The following AUTS2 variants were observed in gnomAD, a reference collection of about 807,000 sequenced individuals.
The protein encoded by AUTS2 is activator of transcription and developmental regulator AUTS2, also known as autism susceptibility gene 2 protein.
In AUTS2, 17 loss-of-function variants were observed where a neutral mutation model predicts 112.4. The ratio of observed to expected loss-of-function variants is 0.15; its 90% CI spans 0.10 to 0.23. The LOEUF is 0.23. Among genes scored for constraint, AUTS2 ranks in the 10% least tolerant of loss-of-function variants. AUTS2 has a pLI of 1.00. For synonymous variants in AUTS2, 751 were observed against 702.7 expected (o/e 1.07, Z -1.09); for missense variants, 1,510 against 1,701.6 (o/e 0.89, Z 1.98).
intron 5 of AUTS2, among the ~76,000 whole-genome samples, chr7:70,476,597 A>C (rs963079769): frequency 2.0e-5 from 3 of 152,192 alleles, no homozygotes; most frequent in Non-Finnish European, 4.4e-5. Context: ...TAAGTCATGT[A>C]CTGAGTGTAC....
intron 1 of AUTS2, among the ~76,000 whole-genome samples, chr7:69,838,509 TG>T (rs1791825097): frequency 6.6e-6 from 1 of 152,140 alleles, no homozygotes; most frequent in African/African-American, 2.4e-5. Flanking sequence ...GTGATAGAGC[TG>T]GGGTTTGTAC....
intron 5 of AUTS2, among the ~76,000 whole-genome samples, chr7:70,663,039 A>G (rs968479176): frequency 2.0e-5 from 3 of 152,236 alleles, no homozygotes; most frequent in African/African-American, 7.2e-5. Context: ...AGTAAGTTCT[A>G]TGGAGGAATG....
At chr7:69,999,216 C>T (rs191079182) in intron 2 of AUTS2, among the ~76,000 whole-genome samples, 109 of 152,218 alleles carry the variant, frequency 7.2e-4, no homozygotes, top group Admixed American at 1.3e-3. Context: ...TTTTCAGGGT[C>T]CTATAATTTT....
chr7:70,211,929 C>T (rs1034639987), intron 4 of AUTS2, among the ~76,000 whole-genome samples: 17 of 151,134 alleles, frequency 1.1e-4, no homozygotes, highest in Non-Finnish European at 2.1e-4. Flanking sequence ...GAGCTTGCAG[C>T]GAGCTGAGAT....
At chr7:69,873,076 C>T (rs1197913755) in intron 1 of AUTS2, among the ~76,000 whole-genome samples, 3 of 151,840 alleles carry the variant, frequency 2.0e-5, no homozygotes, top group Non-Finnish European at 4.4e-5. Context: ...CTCCTGACCT[C>T]AGCTGATCCG....
rs1261153463 is a variant in AUTS2, at chr7:69,599,015, C to G, written c.-639C>G. On this transcript the variant is annotated 5_prime_UTR_variant, in exon 1 of 19. Transcript: ENST00000342771. The surrounding 1 kb of genome is among the most constrained non-coding windows in gnomAD (Gnocchi z 7.0). ...CTCTTGGGTCGCTCCGGAGCCCCGG[C>G]CTCCCCTGGCTGCATTTCTTAAAAA... The G allele has an allele frequency of 6.6e-6, 1 of 152,184 alleles. No individual in the cohort carries two copies. The highest frequency in any genetic ancestry group is 1.5e-5 in the Non-Finnish European group (1 of 68,112). The allele number at this position is 152,184 out of a possible 1,614,324, so 9.4% of individuals were successfully genotyped here.
rs796943903 is a variant in AUTS2 at position 69,779,791 on chromosome 7, AT to A, written c.310-119494del. Among the ~76,000 whole-genome samples the A allele has an allele frequency of 1.1e-3, 171 of 150,822 alleles. 1 individual carries two copies. Among genetic ancestry groups the A allele is most frequent in the African/African-American group, 3.4e-3 (138 of 41,180 alleles). On this transcript the variant is annotated intron_variant, in intron 1 of 18. Coordinates refer to ENST00000342771, the MANE Select transcript of AUTS2 (RefSeq NM_015570.4). ...AAAAAAAAAAAAAAATTAAAAAAAA[AT>A]ATATATATGGAAATACATTTTCTCA...
chr7:70,600,372 G>A (rs1398936940), intron 5 of AUTS2, among the ~76,000 whole-genome samples: 1 of 151,966 alleles, frequency 6.6e-6, no homozygotes, highest in Admixed American at 6.6e-5. Flanking sequence ...TATCTCCTGG[G>A]TCAAGGGATT....
chr7:70,698,933 C>T (rs1809292008), intron 6 of AUTS2: 1 of 228,472 alleles, frequency 4.4e-6, no homozygotes, highest in Non-Finnish European at 8.4e-6. Context: ...TTTATTGTTA[C>T]TTATCAACTA....
chr7:70,119,948 A>G (rs1458720919), intron 3 of AUTS2: 2 of 152,200 alleles, frequency 1.3e-5, no homozygotes, highest in Non-Finnish European at 2.9e-5. Context: ...TTTTCTTAAA[A>G]AAAGAAATTA....
chr7:69,862,670 T>G (rs893357520), intron 1 of AUTS2, among the ~76,000 whole-genome samples: 1 of 152,188 alleles, frequency 6.6e-6, no homozygotes, highest in Non-Finnish European at 1.5e-5. Flanking sequence ...CTTATTTTTC[T>G]TTTTAGAAGG....
intron 5 of AUTS2, among the ~76,000 whole-genome samples, chr7:70,614,353 G>A (rs538926076): frequency 3.5e-4 from 54 of 152,134 alleles, no homozygotes; most frequent in African/African-American, 1.2e-3. Flanking sequence ...CCATGACAAC[G>A]CCTTGGATGT....
At chr7:70,655,663 C>T (rs931392231) in intron 5 of AUTS2, among the ~76,000 whole-genome samples, 2 of 152,294 alleles carry the variant, frequency 1.3e-5, no homozygotes, top group African/African-American at 4.8e-5. Context: ...GCATCACCTG[C>T]CTCTGGCATA....
chr7:70,003,808 T>TGA (rs1480217964), intron 2 of AUTS2, among the ~76,000 whole-genome samples: 2 of 94,620 alleles, frequency 2.1e-5, no homozygotes, highest in East Asian at 5.6e-4. Flanking sequence ...ATATAATATA[T>TGA]GAATGTGTTA....
intron 1 of AUTS2, among the ~76,000 whole-genome samples, chr7:69,687,019 A>G (rs549389788): frequency 1.3e-5 from 2 of 152,344 alleles, no homozygotes; most frequent in South Asian, 4.1e-4. Flanking sequence ...GTCACAGATG[A>G]ATGTTTACAA....
At chr7:70,788,574 T>G (rs1791669303) in intron 18 of AUTS2, among the ~76,000 whole-genome samples, 1 of 152,228 alleles carries the variant, frequency 6.6e-6, no homozygotes, top group South Asian at 2.1e-4. Flanking sequence ...AGCCTGTCAC[T>G]AGGTGCAATG....
chr7:70,154,812 C>T (rs1349498667), intron 4 of AUTS2, among the ~76,000 whole-genome samples: 1 of 152,204 alleles, frequency 6.6e-6, no homozygotes, highest in South Asian at 2.1e-4. Context: ...GTGAAACTCG[C>T]TGCTATTATC....
chr7:70,113,621 A>G (rs1349876319), intron 2 of AUTS2, among the ~76,000 whole-genome samples: 2 of 152,208 alleles, frequency 1.3e-5, no homozygotes, highest in African/African-American at 4.8e-5. Context: ...TGAGGAATCA[A>G]ATTTGTGGAA....
intron 2 of AUTS2, among the ~76,000 whole-genome samples, chr7:69,971,819 C>T (rs1459721542): frequency 6.6e-6 from 1 of 152,060 alleles, no homozygotes; most frequent in African/African-American, 2.4e-5. Context: ...TATGGGTGTA[C>T]CATAGTTTAT....
Sources: gnomAD v4.1 joint callset for allele counts (sites outside exome capture counted in the v4.1 genomes callset) on GRCh38, gnomAD v4.1.1 for gene constraint, Gnocchi (gnomAD v3.1) non-coding constraint, MANE v1.5 for transcripts, NCBI Gene and HGNC (gene_info 2026-07-23, HGNC 2026-07-21) for gene names.